The following RNF157 variants were observed in gnomAD, a reference collection of about 807,000 sequenced individuals.
The protein encoded by RNF157 is ring finger protein 157.
In RNF157, 55 loss-of-function variants were observed where a neutral mutation model predicts 88.3. The ratio of observed to expected loss-of-function variants is 0.62; its 90% CI spans 0.50 to 0.78. The LOEUF is 0.78. Among genes scored for constraint, RNF157 ranks in the 30% least tolerant of loss-of-function variants. The probability of loss-of-function intolerance (pLI) is 0.00; values close to 1 mark genes in which losing one functional copy is unlikely to be tolerated. For missense variants in RNF157, 788 were observed against 860.8 expected (o/e 0.92, Z 1.06); for synonymous variants, 334 against 341.2 (o/e 0.98, Z 0.23).
chr17:76,177,088 C>G (rs2069116057), intron 2 of RNF157, among the ~76,000 whole-genome samples: 1 of 152,154 alleles, frequency 6.6e-6, no homozygotes, highest in Non-Finnish European at 1.5e-5. Context: ...ACCGGGGGAA[C>G]AGGCAGAGCT....
intron 2 of RNF157, among the ~76,000 whole-genome samples, chr17:76,187,890 G>A (rs138618985): frequency 4.6e-5 from 7 of 152,214 alleles, no homozygotes; most frequent in South Asian, 2.1e-4. Context: ...GAGCCACCAC[G>A]CCCAGCCCTG....
intron 1 of RNF157, among the ~76,000 whole-genome samples, chr17:76,219,880 T>C (rs1011058006): frequency 2.0e-5 from 3 of 151,936 alleles, no homozygotes; most frequent in Non-Finnish European, 2.9e-5. Context: ...AGCAGATGAG[T>C]AATTATGTGA....
rs145493013 is a variant in RNF157, at chr17:76,227,643, C to T, written c.88+12510G>A. On this transcript the variant is annotated intron_variant, in intron 1 of 18. Transcript: ENST00000269391. ...CTGTAATCCCAGCAGTTTGGGAGGC[C>T]GAGGTGGGCGGATCACCTGAGGTCG... 3.4e-3 allele frequency among the ~76,000 whole-genome samples: 519 copies of T among 151,694 alleles called. 5 individuals carry two copies. Among genetic ancestry groups the T allele is most frequent in the African/African-American group, 0.012 (494 of 41,418 alleles).
Position 76,144,589 on chromosome 17 carries a change from G to C in RNF157, c.*646C>G, listed in dbSNP as rs1191663862. 1 of 152,324 alleles carries C rather than the reference G, an allele frequency of 6.6e-6. No homozygotes were observed. The highest frequency in any genetic ancestry group is 2.4e-5 in the African/African-American group (1 of 41,450). 9.4% of individuals were successfully genotyped at this position (152,324 alleles called of 1,614,324 possible). On this transcript the variant is annotated 3_prime_UTR_variant, in exon 19 of 19. Transcript: ENST00000269391. ...CCCAAAGTGCTGGGATTACAGGCGT[G>C]AGCCACCGCGCCCGGCCAAGAGCTC... is the stretch of plus-strand genomic sequence containing the variant.
At chr17:76,217,916 G>A (rs566993707) in intron 1 of RNF157, among the ~76,000 whole-genome samples, 58 of 152,330 alleles carry the variant, frequency 3.8e-4, no homozygotes, top group African/African-American at 1.3e-3. Context: ...CGTAAGGTAT[G>A]AGTGGGAAGG....
In RNF157 at chr17:76,165,440, A is replaced by G. The variant is rs534739398; in HGVS notation, c.672+62T>C. 6 of 1,555,734 alleles carry G rather than the reference A, an allele frequency of 3.9e-6. No homozygotes were observed. The African/African-American group carries it at 8.1e-5, about 21-fold the overall frequency. On this transcript the variant is annotated intron_variant, in intron 7 of 18. Transcript: ENST00000269391. Reference sequence around the variant, plus strand: ...CTCAGGCACCCAGCAAACGGGTTACATGTGTCTCACACGAAAGAAAGGGCT... The same window carrying G: ...CTCAGGCACCCAGCAAACGGGTTACGTGTGTCTCACACGAAAGAAAGGGCT...
At chr17:76,235,101 G>A (rs375176278) in intron 1 of RNF157, among the ~76,000 whole-genome samples, 107 of 152,154 alleles carry the variant, frequency 7.0e-4, no homozygotes, top group Middle Eastern at 3.4e-3. Context: ...ATAGGGTAGC[G>A]ATAGTCCTCC....
chr17:76,186,297 G>A (rs928851739), intron 2 of RNF157, among the ~76,000 whole-genome samples: 4 of 152,110 alleles, frequency 2.6e-5, no homozygotes, highest in Non-Finnish European at 5.9e-5. Flanking sequence ...CCTGAGGTCA[G>A]GAGTTTGAGA....
intron 1 of RNF157, among the ~76,000 whole-genome samples, chr17:76,232,594 T>C (rs2145081672): frequency 6.6e-6 from 1 of 152,280 alleles, no homozygotes; most frequent in South Asian, 2.1e-4. Context: ...TATGTTTTCA[T>C]TTTTTTGGAC....
rs550808519 is a variant in RNF157 at position 76,146,543 on chromosome 17, T to A, written c.1922-1190A>T. ...GGCTCCCTGGGGTAGGGAAGGCATG[T>A]CGTCCTCCGGACCCTGTGGGCCTCC... On this transcript the variant is annotated intron_variant, in intron 18 of 18. Transcript: ENST00000269391. This position sits in a 1 kb window ranked among gnomAD's most constrained non-coding sequence, Gnocchi z 4.2. 2.3e-5 allele frequency: 23 copies of A among 985,456 alleles called. No homozygotes were observed. The African/African-American group carries it at 3.5e-4, about 15-fold the overall frequency. 61.0% of individuals were successfully genotyped at this position (985,456 alleles called of 1,614,324 possible). A position where few individuals can be genotyped will look rare whatever the true frequency, so the allele number is the denominator to read the frequency against.
intron 1 of RNF157, among the ~76,000 whole-genome samples, chr17:76,218,146 C>T (rs2069921846): frequency 6.6e-6 from 1 of 152,022 alleles, no homozygotes; most frequent in South Asian, 2.1e-4. Context: ...GAATGATCAA[C>T]ACTAAGACAA....
chr17:76,201,045 C>T (rs1290179261), intron 2 of RNF157, among the ~76,000 whole-genome samples: 1 of 152,098 alleles, frequency 6.6e-6, no homozygotes, highest in Non-Finnish European at 1.5e-5. Flanking sequence ...TTGTGAACTC[C>T]CTTAATTTTC....
At chr17:76,229,686 T>G (rs1009077409) in intron 1 of RNF157, among the ~76,000 whole-genome samples, 11 of 152,194 alleles carry the variant, frequency 7.2e-5, no homozygotes, top group African/African-American at 2.4e-4. Flanking sequence ...CCAGAACTCC[T>G]CTTAGGGAAG....
Position 76,204,577 on chromosome 17 carries a change from T to C in RNF157, c.207+7787A>G, listed in dbSNP as rs145287725. The stretch of plus-strand genomic sequence containing the variant: ...ACTAACAGAATCATGTTCTCTTTTT[T>C]TGCCACAAAGCTCTATAAGTGCAAA... On this transcript the variant is annotated intron_variant, in intron 2 of 18. Transcript: ENST00000269391. 6.1e-3 allele frequency among the ~76,000 whole-genome samples: 928 copies of C among 152,318 alleles called. 11 individuals are homozygous for C. Among genetic ancestry groups the C allele is most frequent in the African/African-American group, 0.021 (883 of 41,564 alleles).
At chr17:76,201,208 G>C (rs573378924) in intron 2 of RNF157, among the ~76,000 whole-genome samples, 1 of 151,602 alleles carries the variant, frequency 6.6e-6, no homozygotes, top group East Asian at 1.9e-4. Context: ...ATGAAGAGCC[G>C]GGCACAGTGG....
intron 2 of RNF157, among the ~76,000 whole-genome samples, chr17:76,174,044 C>T (rs1273407200): frequency 1.3e-5 from 2 of 151,780 alleles, no homozygotes; most frequent in Admixed American, 6.6e-5. Flanking sequence ...AAGCTTATTT[C>T]GGTCAGTGTT....
intron 2 of RNF157, among the ~76,000 whole-genome samples, chr17:76,189,873 G>A (rs2144938977): frequency 6.6e-6 from 1 of 152,304 alleles, no homozygotes; most frequent in African/African-American, 2.4e-5. Context: ...GCAGCTGGTG[G>A]GATGAAAAGG....
At chr17:76,201,345 A>G (rs1341316286) in intron 2 of RNF157, among the ~76,000 whole-genome samples, 1 of 150,338 alleles carries the variant, frequency 6.7e-6, no homozygotes, top group African/African-American at 2.5e-5. Flanking sequence ...AAAAAAGAGA[A>G]AAAGAAAAAA....
chr17:76,191,338 C>G (rs1275466725), intron 2 of RNF157, among the ~76,000 whole-genome samples: 1 of 150,392 alleles, frequency 6.6e-6, no homozygotes, highest in Non-Finnish European at 1.5e-5. Context: ...TAGGGCTGGG[C>G]GCGGTGGCTC....
Sources: gnomAD v4.1 joint callset for allele counts (sites outside exome capture counted in the v4.1 genomes callset) on GRCh38, gnomAD v4.1.1 for gene constraint, Gnocchi (gnomAD v3.1) non-coding constraint, MANE v1.5 for transcripts, NCBI Gene and HGNC (gene_info 2026-07-23, HGNC 2026-07-21) for gene names.